The following ZNF385D variants were observed in gnomAD, a reference collection of about 807,000 sequenced individuals.
ZNF385D encodes zinc finger protein 659.
In ZNF385D, 15 loss-of-function variants were observed where a neutral mutation model predicts 35.8. That is an observed-to-expected ratio of 0.42 (90% CI 0.28 to 0.64). ZNF385D has a LOEUF of 0.64. Ranked by LOEUF, ZNF385D falls within the 30% of genes least tolerant of loss-of-function variation. The pLI is 0.23. For synonymous variants in ZNF385D, 212 were observed against 186.8 expected, an observed-to-expected ratio of 1.13 and a Z score of -1.10; for missense variants, 474 against 494.6, an observed-to-expected ratio of 0.96 and a Z score of 0.39.
intron 2 of ZNF385D, among the ~76,000 whole-genome samples, chr3:21,609,372 T>C (rs1238332083): frequency 6.6e-6 from 1 of 152,212 alleles, no homozygotes; most frequent in Non-Finnish European, 1.5e-5. Context: ...AAAAAAGTGT[T>C]CAGAAGTCTA....
chr3:21,976,237 C>A (rs9861014), intron 3 of ZNF385D, among the ~76,000 whole-genome samples: 1 of 151,978 alleles, frequency 6.6e-6, no homozygotes, highest in African/African-American at 2.4e-5. Context: ...CTGGTAATGA[C>A]AACACATTTT....
At chr3:21,430,873 G>A (rs1404156336) in intron 5 of ZNF385D, among the ~76,000 whole-genome samples, 1 of 152,136 alleles carries the variant, frequency 6.6e-6, no homozygotes, top group African/African-American at 2.4e-5. Context: ...CACTTCCATA[G>A]TATAATTGCA....
At chr3:22,161,852 A>G (rs1472574414) in intron 3 of ZNF385D, among the ~76,000 whole-genome samples, 9 of 152,192 alleles carry the variant, frequency 5.9e-5, no homozygotes, top group South Asian at 2.1e-4. Context: ...AATGTATGGT[A>G]TAATTTTGTT....
chr3:21,462,682 A>T (rs769595027), intron 4 of ZNF385D, among the ~76,000 whole-genome samples: 9 of 152,224 alleles, frequency 5.9e-5, no homozygotes, highest in Non-Finnish European at 1.0e-4. Flanking sequence ...TAAGCAAAAA[A>T]GCTGAAGAGG....
chr3:22,127,805 C>T (rs1169962855), intron 3 of ZNF385D, among the ~76,000 whole-genome samples: 1 of 152,144 alleles, frequency 6.6e-6, no homozygotes, highest in African/African-American at 2.4e-5. Context: ...TCACCTCTCC[C>T]ACTCTTTAAC....
chr3:21,641,907 T>C (rs2065617329), intron 2 of ZNF385D, among the ~76,000 whole-genome samples: 1 of 152,098 alleles, frequency 6.6e-6, no homozygotes, highest in Non-Finnish European at 1.5e-5. Context: ...AGCTGGAAGC[T>C]TGCATGGGGG....
intron 2 of ZNF385D, among the ~76,000 whole-genome samples, chr3:21,565,820 A>AGAT (rs2063125464): frequency 6.6e-6 from 1 of 152,130 alleles, no homozygotes; most frequent in Non-Finnish European, 1.5e-5. Context: ...TAATAGATTG[A>AGAT]GATAGATCAG....
chr3:21,744,544 T>C (rs1007309790), intron 1 of ZNF385D, among the ~76,000 whole-genome samples: 1 of 152,166 alleles, frequency 6.6e-6, no homozygotes, highest in African/African-American at 2.4e-5. Context: ...TTTATGCCCA[T>C]CCCAGCCTGC....
chr3:22,291,642 T>G (rs1376004136), intron 2 of ZNF385D, among the ~76,000 whole-genome samples: 2 of 152,064 alleles, frequency 1.3e-5, no homozygotes, highest in African/African-American at 4.8e-5. Context: ...ATTGTTTTAC[T>G]GTATTACCAA....
chr3:22,146,315 C>T (rs764214443), intron 3 of ZNF385D, among the ~76,000 whole-genome samples: 15 of 152,046 alleles, frequency 9.9e-5, no homozygotes, highest in East Asian at 1.9e-4. Context: ...TAATTAAGCA[C>T]GCTAAAATTA....
chr3:22,327,330 A>C (rs1233692625), intron 2 of ZNF385D, among the ~76,000 whole-genome samples: 2 of 152,010 alleles, frequency 1.3e-5, no homozygotes, highest in African/African-American at 2.4e-5. Context: ...AAGAAATGTA[A>C]ATTTTCTAAA....
At chr3:21,911,344 G>A (rs149504406) in intron 3 of ZNF385D, among the ~76,000 whole-genome samples, 1 of 151,956 alleles carries the variant, frequency 6.6e-6, no homozygotes, top group East Asian at 1.9e-4. Context: ...CAAAGAGAAT[G>A]TAAAGTGTTT....
At chr3:21,702,556 C>G (rs1397623652) in intron 1 of ZNF385D, among the ~76,000 whole-genome samples, 1 of 152,242 alleles carries the variant, frequency 6.6e-6, no homozygotes, top group African/African-American at 2.4e-5. Context: ...ATGCAAATTT[C>G]TGCAGCCAGC....
intron 2 of ZNF385D, among the ~76,000 whole-genome samples, chr3:21,580,250 T>C (rs2063614690): frequency 6.6e-6 from 1 of 152,148 alleles, no homozygotes; most frequent in African/African-American, 2.4e-5. Context: ...TCAAAGAATT[T>C]TGTGATCCCC....
At chr3:21,749,261 A>G (rs1371476654) in intron 1 of ZNF385D, among the ~76,000 whole-genome samples, 1 of 152,198 alleles carries the variant, frequency 6.6e-6, no homozygotes, top group Non-Finnish European at 1.5e-5. Context: ...TACAGTTAAT[A>G]ACACAAGCTA....
At chr3:22,048,928 G>C (rs1392075993) in intron 3 of ZNF385D, among the ~76,000 whole-genome samples, 1 of 152,086 alleles carries the variant, frequency 6.6e-6, no homozygotes, top group Non-Finnish European at 1.5e-5. Context: ...TTTCATTCAT[G>C]TTTTATAATT....
At chr3:22,236,198 G>A (rs1306249389) in intron 2 of ZNF385D, among the ~76,000 whole-genome samples, 1 of 152,066 alleles carries the variant, frequency 6.6e-6, no homozygotes, top group African/African-American at 2.4e-5. Context: ...TGATATATAT[G>A]TATGTACAGA....
chr3:22,161,378 G>C (rs922916808), intron 3 of ZNF385D, among the ~76,000 whole-genome samples: 1 of 151,942 alleles, frequency 6.6e-6, no homozygotes, highest in African/African-American at 2.4e-5. Context: ...TTTGTATGCA[G>C]TATATATTAA....
In ZNF385D at chr3:22,061,538, C is replaced by T. The variant is rs139771899; in HGVS notation, c.325+107279G>A. On this transcript the variant is annotated intron_variant, in intron 3 of 5. Transcript: ENST00000494108. ...CACTCTTTTCTTCTCAAGCCTCCCA[C>T]AATAACTCCAAAGTCTTCAATTCCT... 1.6e-3 allele frequency among the ~76,000 whole-genome samples: 247 copies of T among 152,264 alleles called. 2 individuals are homozygous for T. Among genetic ancestry groups the T allele is most frequent in the African/African-American group, 5.7e-3 (239 of 41,568 alleles).
Sources: gnomAD v4.1 joint callset for allele counts (sites outside exome capture counted in the v4.1 genomes callset) on GRCh38, gnomAD v4.1.1 for gene constraint, MANE v1.5 for transcripts, NCBI Gene and HGNC (gene_info 2026-07-23, HGNC 2026-07-21) for gene names.